SGCZ: variants seen among roughly 807,000 people sequenced by gnomAD.
SGCZ encodes zeta-sarcoglycan.
SGCZ carries 40 observed loss-of-function variants against 41.3 expected under a neutral mutation model. The ratio of observed to expected loss-of-function variants is 0.97; its 90% CI spans 0.75 to 1.26. SGCZ has a LOEUF of 1.26. SGCZ is among the 50% of genes most tolerant of loss of function. The pLI is 0.00. For synonymous variants in SGCZ, 206 were observed against 137.5 expected (o/e 1.50, Z -3.49); for missense variants, 552 against 369.8 (o/e 1.49, Z -4.04).
intron 2 of SGCZ, among the ~76,000 whole-genome samples, chr8:14,345,595 G>GT (rs1176933788): frequency 6.6e-6 from 1 of 152,098 alleles, no homozygotes. Flanking sequence ...GTTTAATAAC[G>GT]TGAGTTAAGC....
rs1799753645 is a variant in SGCZ at position 14,926,498 on chromosome 8, C to A, written c.39+311087G>T. 2.0e-5 allele frequency among the ~76,000 whole-genome samples: 3 copies of A among 151,982 alleles called. No homozygotes were observed. In the South Asian group the frequency reaches 6.2e-4, roughly 32 times the overall value. ...TAAGCATCTCAGATGTACTGTTTCT[C>A]CTCTTTGTTCTAAACAAATGTTGTA... On this transcript the variant is annotated intron_variant, in intron 1 of 7. Coordinates refer to ENST00000382080, the MANE Select transcript of SGCZ (RefSeq NM_139167.4).
At chr8:15,112,203 A>C (rs895494426) in intron 1 of SGCZ, among the ~76,000 whole-genome samples, 2 of 152,224 alleles carry the variant, frequency 1.3e-5, no homozygotes, top group Non-Finnish European at 2.9e-5. Flanking sequence ...ACCTAACATA[A>C]ATGAGCAAAT....
intron 1 of SGCZ, among the ~76,000 whole-genome samples, chr8:14,795,479 G>C (rs894541891): frequency 6.6e-6 from 1 of 151,700 alleles, no homozygotes; most frequent in Non-Finnish European, 1.5e-5. Flanking sequence ...GGTTCTTGCT[G>C]TCACCCATGC....
At chr8:15,092,561 G>C (rs1236811960) in intron 1 of SGCZ, among the ~76,000 whole-genome samples, 1 of 152,094 alleles carries the variant, frequency 6.6e-6, no homozygotes. Flanking sequence ...CAAGGAGAAA[G>C]AAAATAAATT....
chr8:15,101,430 A>T (rs527974108), intron 1 of SGCZ, among the ~76,000 whole-genome samples: 1 of 152,322 alleles, frequency 6.6e-6, no homozygotes, highest in South Asian at 2.1e-4. Context: ...AATAGGCAAA[A>T]AACATGAAAA....
intron 3 of SGCZ, among the ~76,000 whole-genome samples, chr8:14,252,608 T>C (rs1489673617): frequency 6.6e-6 from 1 of 152,126 alleles, no homozygotes; most frequent in Non-Finnish European, 1.5e-5. Flanking sequence ...AGCATTCTTC[T>C]AGAGAAAGTT....
At chr8:14,586,273 G>T (rs1319780029) in intron 1 of SGCZ, among the ~76,000 whole-genome samples, 3 of 152,018 alleles carry the variant, frequency 2.0e-5, no homozygotes, top group Non-Finnish European at 4.4e-5. Flanking sequence ...GAGTGTAGTG[G>T]CCCGATCTCT....
intron 1 of SGCZ, among the ~76,000 whole-genome samples, chr8:14,610,248 G>C (rs1177977015): frequency 1.3e-5 from 2 of 152,140 alleles, no homozygotes; most frequent in Non-Finnish European, 2.9e-5. Flanking sequence ...AACAGTAGAT[G>C]TAAGAAGGGC....
chr8:14,373,740 T>G (rs1428369733), intron 2 of SGCZ, among the ~76,000 whole-genome samples: 1 of 152,048 alleles, frequency 6.6e-6, no homozygotes, highest in East Asian at 1.9e-4. Flanking sequence ...AAAGAAAGAT[T>G]GAGATGAGAG....
In SGCZ at chr8:14,150,399, C is replaced by T. The variant is rs755224563; in HGVS notation, c.547+14181G>A. ...TAGATATTTCTCAAAAGAAAACACA[C>T]ACATGGCAAACAGGCATACAAAAAA... is the stretch of plus-strand genomic sequence containing the variant. On this transcript the variant is annotated intron_variant, in intron 5 of 7. Transcript: ENST00000382080. Among the ~76,000 whole-genome samples the T allele has an allele frequency of 5.9e-5, 9 of 152,180 alleles. No homozygotes were observed. In the East Asian group the frequency reaches 9.7e-4, roughly 16 times the overall value.
intron 1 of SGCZ, among the ~76,000 whole-genome samples, chr8:14,992,531 C>A (rs1015168698): frequency 6.7e-6 from 1 of 149,596 alleles, no homozygotes; most frequent in Non-Finnish European, 1.5e-5. Context: ...CTCAACTATT[C>A]AACTCCAAAA....
chr8:14,817,327 C>G (rs1213245077), intron 1 of SGCZ, among the ~76,000 whole-genome samples: 1 of 152,014 alleles, frequency 6.6e-6, no homozygotes, highest in Non-Finnish European at 1.5e-5. Flanking sequence ...GTGGTCATCA[C>G]TACTGCCACA....
intron 7 of SGCZ, among the ~76,000 whole-genome samples, chr8:14,096,112 C>G (rs182731549): frequency 1.3e-5 from 2 of 152,170 alleles, no homozygotes; most frequent in Admixed American, 6.6e-5. Context: ...TTTTTCCTGA[C>G]TGCCCTAGCC....
At chr8:14,161,816 A>G (rs1218455403) in intron 5 of SGCZ, among the ~76,000 whole-genome samples, 1 of 152,140 alleles carries the variant, frequency 6.6e-6, no homozygotes, top group Non-Finnish European at 1.5e-5. Flanking sequence ...AAGAAATGAA[A>G]AGAGAGAGCC....
chr8:14,129,726 C>T (rs368453596), intron 5 of SGCZ, among the ~76,000 whole-genome samples: 11 of 150,938 alleles, frequency 7.3e-5, no homozygotes, highest in African/African-American at 2.4e-4. Context: ...GAAAGTAATT[C>T]CATTGACAAT....
At chr8:14,674,454 G>T (rs970817117) in intron 1 of SGCZ, among the ~76,000 whole-genome samples, 1 of 152,104 alleles carries the variant, frequency 6.6e-6, no homozygotes, top group Non-Finnish European at 1.5e-5. Context: ...ATATTATGTT[G>T]AACTGATCTT....
chr8:15,120,812 T>A (rs767510144), intron 1 of SGCZ, among the ~76,000 whole-genome samples: 5 of 152,336 alleles, frequency 3.3e-5, no homozygotes, highest in Middle Eastern at 3.4e-3. Flanking sequence ...TTTTACAACA[T>A]TAAATCACTG....
chr8:14,167,465 T>G (rs143128383), intron 4 of SGCZ, among the ~76,000 whole-genome samples: 211 of 152,262 alleles, frequency 1.4e-3, no homozygotes, highest in African/African-American at 4.8e-3. Context: ...TTAGTCATCT[T>G]AAACACCAAC....
intron 1 of SGCZ, among the ~76,000 whole-genome samples, chr8:14,942,598 C>A (rs545376493): frequency 6.6e-6 from 1 of 152,044 alleles, no homozygotes; most frequent in Non-Finnish European, 1.5e-5. Flanking sequence ...TGGAAAAAAA[C>A]GACTTCTGTT....
Sources: allele counts gnomAD v4.1 joint callset (sites outside exome capture counted in the v4.1 genomes callset), GRCh38; gene constraint gnomAD v4.1.1; transcripts MANE v1.5; gene names NCBI Gene and HGNC (gene_info 2026-07-23, HGNC 2026-07-21).